SFRP4: variants seen among roughly 807,000 people sequenced by gnomAD.
The protein encoded by SFRP4 is secreted frizzled-related protein 4.
Under a neutral mutation model 36.3 loss-of-function variants are expected in SFRP4, and 25 were observed. The observed-to-expected ratio is 0.69, with a 90% CI of 0.50 to 0.96. The LOEUF (loss-of-function observed/expected upper bound fraction) is 0.96, where lower values mean the gene tolerates loss of function less well. Among genes scored for constraint, SFRP4 ranks in the 40% least tolerant of loss-of-function variants. The pLI is 0.00. For missense variants in SFRP4, 487 were observed against 459.6 expected, an observed-to-expected ratio of 1.06 and a Z score of -0.54; for synonymous variants, 182 against 168.8, an observed-to-expected ratio of 1.08 and a Z score of -0.60.
Position 37,912,414 on chromosome 7 carries a change from C to G in SFRP4, c.593-97G>C, listed in dbSNP as rs1583654798. On this transcript the variant is annotated intron_variant, in intron 3 of 5. Coordinates refer to ENST00000436072, the MANE Select transcript of SFRP4 (RefSeq NM_003014.4). The stretch of plus-strand genomic sequence containing the variant: ...AACTTCTGAGCCTCTCTTAAAGAAT[C>G]ACTCCTGTAATTATGGTTATGTCCA... 6 of 950,106 alleles carry G rather than the reference C, an allele frequency of 6.3e-6. No homozygotes were observed. In the African/African-American group the frequency reaches 9.8e-5, roughly 15 times the overall value. 58.9% of individuals were successfully genotyped at this position (950,106 alleles called of 1,614,324 possible). A position where few individuals can be genotyped will look rare whatever the true frequency, so the allele number is the denominator to read the frequency against.
intron 3 of SFRP4, among the ~76,000 whole-genome samples, chr7:37,913,438 GA>G (rs1785526219): frequency 1.3e-5 from 2 of 152,164 alleles, no homozygotes; most frequent in Non-Finnish European, 2.9e-5. Flanking sequence ...TATTTCAGCA[GA>G]AATGATTTAA....
chr7:37,915,113 A>C (rs1785552721), intron 1 of SFRP4, among the ~76,000 whole-genome samples: 2 of 152,260 alleles, frequency 1.3e-5, no homozygotes, highest in African/African-American at 4.8e-5. Flanking sequence ...TTAACAGTTT[A>C]TGTTAATCAA....
In SFRP4 at chr7:37,916,318, G is replaced by T; in HGVS notation, c.220C>A (p.Arg74Ser). The change falls in exon 1 of 6, where the codon CGC becomes AGC. Residue 74 changes from arginine (R) to serine (S), a missense_variant. Physicochemically the swap from Arg to Ser is moderately radical, Grantham distance 110 (BLOSUM62 -1). Transcript: ENST00000436072. The surrounding 1 kb of genome is among the most constrained non-coding windows in gnomAD (Gnocchi z 4.1). ...LVDVNCSAVL[R>S]FFLCAMYAPI... The stretch of plus-strand genomic sequence containing the variant: ...GCGTACATGGCACAGAGGAAGAAGC[G>T]CAGCACGGCGCTGCAGTTCACGTCC... The T allele has an allele frequency of 6.2e-7, 1 of 1,614,240 alleles. No individual in the cohort carries two copies. The highest frequency in any genetic ancestry group is 8.5e-7 in the Non-Finnish European group (1 of 1,180,032).
chr7:37,906,797 G>T lies in SFRP4; in HGVS notation c.*682C>A, dbSNP rs539934686. ...ACCAAAAAACAGGAATCCAGACATT[G>T]TCTGCCTCTCCTTTTTATTTATTTT... On this transcript the variant is annotated 3_prime_UTR_variant, in exon 6 of 6. Coordinates refer to ENST00000436072, the MANE Select transcript of SFRP4 (RefSeq NM_003014.4). 1 of 152,160 alleles carries T rather than the reference G, an allele frequency of 6.6e-6. No homozygotes were observed. Among genetic ancestry groups the T allele is most frequent in the East Asian group, 1.9e-4 (1 of 5,202 alleles). The allele number at this position is 152,160 out of a possible 1,614,324, so 9.4% of individuals were successfully genotyped here.
chr7:37,916,087 C>T lies in SFRP4; in HGVS notation c.445+6G>A, dbSNP rs1416788933. The T allele has an allele frequency of 1.9e-6, 3 of 1,607,082 alleles. No homozygotes were observed. Among genetic ancestry groups the T allele is most frequent in the Non-Finnish European group, 2.6e-6 (3 of 1,174,946 alleles). ...TCGCCTCCCTCCATCCTTCCTACGG[C>T]CTCACCCTCCGGGAGGTCCGTGACG... is the stretch of plus-strand genomic sequence containing the variant. On this transcript the variant is annotated splice_donor_region_variant and intron_variant, in intron 1 of 5. Transcript: ENST00000436072. The surrounding 1 kb of genome is among the most constrained non-coding windows in gnomAD (Gnocchi z 4.1).
chr7:37,914,567 T>A, intron 1 of SFRP4, 114 bp from the exon 2 acceptor site: 1 of 813,904 alleles, frequency 1.2e-6, no homozygotes, highest in Non-Finnish European at 2.1e-6. Context: ...AATAATAGTA[T>A]TTAATGGTAA....
At chr7:37,911,441 T>C (rs1295632445) in intron 4 of SFRP4, among the ~76,000 whole-genome samples, 1 of 152,166 alleles carries the variant, frequency 6.6e-6, no homozygotes, top group Admixed American at 6.5e-5. Context: ...ACATGGAGGC[T>C]GGGCTCAAGA....
At chr7:37,911,863 A>C (rs1391855430) in intron 4 of SFRP4, among the ~76,000 whole-genome samples, 1 of 147,592 alleles carries the variant, frequency 6.8e-6, no homozygotes. Flanking sequence ...ACTTGCTGTA[A>C]ATTTTGAAGT....
Position 37,914,355 on chromosome 7 carries a change from C to T in SFRP4, c.526+18G>A. On this transcript the variant is annotated intron_variant, in intron 2 of 5. Transcript: ENST00000436072. ...GGAGAGGAGAAGTAGAGGGAACGTC[C>T]ATGAAGAAAGAACTCACCGGGGCTT... is the stretch of plus-strand genomic sequence containing the variant. The T allele has an allele frequency of 6.2e-7, 1 of 1,611,552 alleles. No homozygotes were observed. The highest frequency in any genetic ancestry group is 8.5e-7 in the Non-Finnish European group (1 of 1,177,654).
intron 3 of SFRP4, among the ~76,000 whole-genome samples, chr7:37,913,381 C>T (rs1785524934): frequency 6.6e-6 from 1 of 150,718 alleles, no homozygotes; most frequent in African/African-American, 2.4e-5. Context: ...AAGATGAAAA[C>T]TAAGTCAGCA....
In SFRP4 at chr7:37,916,084, C is replaced by T. The variant is rs771954156; in HGVS notation, c.445+9G>A. 30 of 1,604,432 alleles carry T rather than the reference C, an allele frequency of 1.9e-5. No homozygotes were observed. The highest frequency in any genetic ancestry group is 3.3e-5 in the Admixed American group (2 of 59,772). The stretch of plus-strand genomic sequence containing the variant: ...TCCTCGCCTCCCTCCATCCTTCCTA[C>T]GGCCTCACCCTCCGGGAGGTCCGTG... On this transcript the variant is annotated intron_variant, in intron 1 of 5. Coordinates refer to ENST00000436072, the MANE Select transcript of SFRP4 (RefSeq NM_003014.4). The surrounding 1 kb of genome is among the most constrained non-coding windows in gnomAD (Gnocchi z 4.1).
At chr7:37,910,310 C>T (rs6965094) in intron 4 of SFRP4, among the ~76,000 whole-genome samples, 79,740 of 151,596 alleles carry the variant, frequency 0.53, 21,542 homozygotes, top group Non-Finnish European at 0.6. Flanking sequence ...TACTTACTAT[C>T]TGTATTCTAT....
chr7:37,915,830 A>G (rs935060659), intron 1 of SFRP4, among the ~76,000 whole-genome samples: 1 of 152,062 alleles, frequency 6.6e-6, no homozygotes, highest in Non-Finnish European at 1.5e-5. Context: ...TGTTATTACT[A>G]TAAATGCAAA....
chr7:37,914,605 C>T, intron 1 of SFRP4, 152 bp from the exon 2 acceptor site: 1 of 675,374 alleles, frequency 1.5e-6, no homozygotes, highest in African/African-American at 1.8e-5. Context: ...TGGCTCACAC[C>T]TGTAATCCCA....
Position 37,909,777 on chromosome 7 carries a change from C to T in SFRP4, c.792-97G>A, listed in dbSNP as rs562538214. 1.2e-3 allele frequency: 723 copies of T among 621,930 alleles called. 5 individuals carry two copies. The highest frequency in any genetic ancestry group is 3.5e-3 in the Middle Eastern group (8 of 2,258). 38.5% of individuals were successfully genotyped at this position (621,930 alleles called of 1,614,324 possible). ...AAAAATTATTCAATAATCCTTTACC[C>T]CATAATCCACACATCCACCATTTAT... On this transcript the variant is annotated intron_variant, in intron 4 of 5. Coordinates refer to ENST00000436072, the MANE Select transcript of SFRP4 (RefSeq NM_003014.4).
At chr7:37,908,048 C>A (rs1412683430) in intron 5 of SFRP4, among the ~76,000 whole-genome samples, 1 of 152,168 alleles carries the variant, frequency 6.6e-6, no homozygotes, top group Non-Finnish European at 1.5e-5. Flanking sequence ...CCCCATAATG[C>A]AACATTCCTA....
intron 1 of SFRP4, 119 bp downstream of exon 1, chr7:37,915,974 C>T: frequency 7.0e-7 from 1 of 1,429,726 alleles, no homozygotes; most frequent in African/African-American, 1.4e-5. Context: ...CCCATTCTTT[C>T]CCACCTCCTA....
At chr7:37,907,872 T>C (rs577058963) in intron 5 of SFRP4, among the ~76,000 whole-genome samples, 1 of 152,284 alleles carries the variant, frequency 6.6e-6, no homozygotes, top group East Asian at 1.9e-4. Context: ...ATTCATTTCA[T>C]TGAAACAACA....
In SFRP4 at chr7:37,912,089, A is replaced by C. The variant is rs80321504; in HGVS notation, c.791+30T>G. 23 of 1,552,176 alleles carry C rather than the reference A, an allele frequency of 1.5e-5. No individual in the cohort carries two copies. In the African/African-American group the frequency reaches 3.0e-4, roughly 20 times the overall value. On this transcript the variant is annotated intron_variant, in intron 4 of 5. Coordinates refer to ENST00000436072, the MANE Select transcript of SFRP4 (RefSeq NM_003014.4). The stretch of plus-strand genomic sequence containing the variant: ...GATTGAGGTCTTCCTAACAGTGTGC[A>C]TACAGTTCCTTCTGCCTCTTTGTGC...
Sources: gnomAD v4.1 joint callset for allele counts (sites outside exome capture counted in the v4.1 genomes callset) on GRCh38, gnomAD v4.1.1 for gene constraint, Gnocchi (gnomAD v3.1) non-coding constraint, MANE v1.5 for transcripts, NCBI Gene and HGNC (gene_info 2026-07-23, HGNC 2026-07-21) for gene names.